GART: variants seen among roughly 807,000 people sequenced by gnomAD.
The protein encoded by GART is trifunctional purine biosynthetic protein adenosine-3.
Under a neutral mutation model 107.2 loss-of-function variants are expected in GART, and 43 were observed. The observed-to-expected ratio is 0.40, with a 90% CI of 0.31 to 0.52. The LOEUF (loss-of-function observed/expected upper bound fraction) is 0.52, where lower values mean the gene tolerates loss of function less well. Among genes scored for constraint, GART ranks in the 20% least tolerant of loss-of-function variants. The pLI, the probability that GART is intolerant of heterozygous loss-of-function variation, is 0.52. For missense variants in GART, 1,107 were observed against 1,206.5 expected, an observed-to-expected ratio of 0.92 and a Z score of 1.22; for synonymous variants, 434 against 427.0, an observed-to-expected ratio of 1.02 and a Z score of -0.20.
intron 1 of GART, among the ~76,000 whole-genome samples, chr21:33,541,398 T>C (rs2085420544): frequency 6.6e-6 from 1 of 152,216 alleles, no homozygotes; most frequent in Non-Finnish European, 1.5e-5. Flanking sequence ...CAACCCACCT[T>C]GGCCTCCCAA....
chr21:33,517,748 T>C (rs1161974660), intron 14 of GART, 140 bp from the exon 15 acceptor site: 1 of 855,856 alleles, frequency 1.2e-6, no homozygotes, highest in East Asian at 2.6e-5. Context: ...CTCTACCAGC[T>C]GTCTAACAGA....
chr21:33,526,234 G>A (rs889768046), intron 10 of GART, among the ~76,000 whole-genome samples: 3 of 150,966 alleles, frequency 2.0e-5, no homozygotes, highest in East Asian at 2.0e-4. Context: ...GCAGTTGTGC[G>A]ACCTCGGCTC....
chr21:33,539,359 G>T lies in GART; in HGVS notation c.-41-3C>A. 6.3e-7 allele frequency: 1 copy of T among 1,586,484 alleles called. No homozygotes were observed. Among genetic ancestry groups the T allele is most frequent in the Non-Finnish European group, 8.5e-7 (1 of 1,170,260 alleles). ...GAAATTCCAAAGGAAAATGAAACCT[G>T]CAGAAAGAAAACCACAGTTTATATC... On this transcript the variant is annotated splice_region_variant and splice_polypyrimidine_tract_variant and intron_variant, in intron 1 of 21. Transcript: ENST00000381815.
rs796176604 is a variant in GART at position 33,509,673 on chromosome 21, C to G, written c.2452+110G>C. 15 of 1,054,398 alleles carry G rather than the reference C, an allele frequency of 1.4e-5. No individual in the cohort carries two copies. In the African/African-American group the frequency reaches 2.4e-4, roughly 17 times the overall value. The allele number at this position is 1,054,398 out of a possible 1,614,324, so 65.3% of individuals were successfully genotyped here. On this transcript the variant is annotated intron_variant, in intron 18 of 21. Coordinates refer to ENST00000381815, the MANE Select transcript of GART (RefSeq NM_000819.5). ...AAAGACAAAGACAACCCTCATGATTCCCCCCAGTCCCTAGACTCTGCCGAG... is the reference window on the plus strand; with the variant it reads ...AAAGACAAAGACAACCCTCATGATTGCCCCCAGTCCCTAGACTCTGCCGAG...
chr21:33,504,543 A>AG lies in GART; in HGVS notation c.2726-17dup. 2 of 1,553,492 alleles carry AG rather than the reference A, an allele frequency of 1.3e-6. No individual in the cohort carries two copies. The highest frequency in any genetic ancestry group is 8.9e-7 in the Non-Finnish European group (1 of 1,126,892). ...AGCATTTTTCCTAAAAATTAAAAAA[A>AG]GCATAGTGGTCAGAATTTAAAAATC... On this transcript the variant is annotated splice_polypyrimidine_tract_variant and intron_variant, in intron 20 of 21. Transcript: ENST00000381815.
At chr21:33,541,634 T>C (rs981699401) in intron 1 of GART, among the ~76,000 whole-genome samples, 11 of 152,196 alleles carry the variant, frequency 7.2e-5, no homozygotes, top group African/African-American at 1.9e-4. Flanking sequence ...CAGGAAGACC[T>C]TGGGGGACTT....
intron 4 of GART, 123 bp from the exon 5 acceptor site, chr21:33,532,579 T>C (rs1035276604): frequency 1.4e-6 from 1 of 730,806 alleles, no homozygotes; most frequent in African/African-American, 1.8e-5. Flanking sequence ...AAAAAATTAA[T>C]TATCATTCCA....
chr21:33,531,423 T>C (rs2085186320), intron 6 of GART, 66 bp downstream of exon 6: 2 of 1,378,098 alleles, frequency 1.5e-6, no homozygotes, highest in African/African-American at 1.4e-5. Context: ...AAGTCTTTTC[T>C]GGGGTACACA....
chr21:33,540,083 T>G (rs558402952), intron 1 of GART, among the ~76,000 whole-genome samples: 2 of 152,322 alleles, frequency 1.3e-5, no homozygotes, highest in African/African-American at 4.8e-5. Context: ...TACTGAAAAC[T>G]GGGGTAAGCA....
At position 33,528,611 on chromosome 21, in the gene GART, T is replaced by C. The variant is rs758227682; in HGVS notation, c.812-7A>G. ...ATTCCAGCATAGAGAATACCTTCATTAAAAAAGAAAAAAAAAAAAAAGAGA... is the reference window on the plus strand; with the variant it reads ...ATTCCAGCATAGAGAATACCTTCATCAAAAAAGAAAAAAAAAAAAAAGAGA... On this transcript the variant is annotated splice_polypyrimidine_tract_variant and splice_region_variant and intron_variant, in intron 8 of 21. Transcript: ENST00000381815. 1 of 1,191,196 alleles carries C rather than the reference T, an allele frequency of 8.4e-7. No homozygotes were observed. Among genetic ancestry groups the C allele is most frequent in the South Asian group, 1.8e-5 (1 of 54,336 alleles). 73.8% of individuals were successfully genotyped at this position (1,191,196 alleles called of 1,614,324 possible).
At chr21:33,526,355 G>A (rs2085073738) in intron 10 of GART, among the ~76,000 whole-genome samples, 1 of 151,936 alleles carries the variant, frequency 6.6e-6, no homozygotes, top group South Asian at 2.1e-4. Context: ...TGTATTTTTA[G>A]TGGAGACGGG....
intron 4 of GART, among the ~76,000 whole-genome samples, chr21:33,533,448 AAAAT>A (rs1456706121): frequency 4.8e-4 from 72 of 149,960 alleles, no homozygotes; most frequent in Middle Eastern, 3.4e-3. Flanking sequence ...CAAAAAAAAA[AAAAT>A]AAATAAATAA....
chr21:33,534,742 TC>T lies in GART; in HGVS notation c.252del (p.Asn85ThrfsTer2). The T allele has an allele frequency of 6.3e-7, 1 of 1,580,798 alleles. No individual in the cohort carries two copies. The highest frequency in any genetic ancestry group is 8.6e-7 in the Non-Finnish European group (1 of 1,166,926). ...CATTGCACTCCTGCAGACCTCAGGT[TC>T]CCAACAATCCCTATTGATGAAAACA... ...PEAPLAAGIV[G>X]NLRSAGVQCF... On this transcript the variant is annotated frameshift_variant, in exon 4 of 22. Coordinates refer to ENST00000381815, the MANE Select transcript of GART (RefSeq NM_000819.5). LOFTEE classifies it high-confidence loss of function.
chr21:33,542,800 G>A (rs947616710), upstream of GART: 5 of 475,522 alleles, frequency 1.1e-5, no homozygotes, highest in East Asian at 3.8e-5. Context: ...TGCGGACACG[G>A]TCGCCTCAAG....
Position 33,528,519 on chromosome 21 carries a change from T to G in GART, c.897A>C (p.Gln299His). 1 of 1,602,060 alleles carries G rather than the reference T, an allele frequency of 6.2e-7. No individual in the cohort carries two copies. Among genetic ancestry groups the G allele is most frequent in the Middle Eastern group, 1.7e-4 (1 of 6,002 alleles). The change falls in exon 9 of 22, where the codon CAA (glutamine) becomes CAC (histidine). Residue 299 changes from glutamine (Q) to histidine (H), a missense_variant and splice_region_variant. Coordinates refer to ENST00000381815, the MANE Select transcript of GART (RefSeq NM_000819.5). ...GTAATACTTTGATATTTTTACCCACTTGGCACTCTGGATCACCAAAACGGC... is the reference window on the plus strand; with the variant it reads ...GTAATACTTTGATATTTTTACCCACGTGGCACTCTGGATCACCAAAACGGC... ...FNCRFGDPEC[Q>H]VILPLLKSDL...
chr21:33,525,852 A>G (rs565633028), intron 10 of GART, among the ~76,000 whole-genome samples: 1 of 151,930 alleles, frequency 6.6e-6, no homozygotes, highest in South Asian at 2.1e-4. Context: ...TCTTTTCCTT[A>G]AGAGTAAGGG....
At chr21:33,531,851 T>C (rs751432561) in intron 5 of GART, 2 of 352,558 alleles carry the variant, frequency 5.7e-6, no homozygotes, top group Admixed American at 4.3e-5. Context: ...GTTTTCATTA[T>C]CGCCACTTAA....
chr21:33,527,254 C>G (rs2085090550), intron 10 of GART, among the ~76,000 whole-genome samples: 1 of 152,126 alleles, frequency 6.6e-6, no homozygotes, highest in Non-Finnish European at 1.5e-5. Flanking sequence ...CATGGTGGCT[C>G]AGACCTGTAA....
chr21:33,535,615 T>C (rs969893258), intron 2 of GART, among the ~76,000 whole-genome samples: 3 of 152,176 alleles, frequency 2.0e-5, no homozygotes, highest in Non-Finnish European at 2.9e-5. Flanking sequence ...GTCACTAATA[T>C]TGACTGTATA....
Sources: gnomAD v4.1 joint callset for allele counts (sites outside exome capture counted in the v4.1 genomes callset) on GRCh38, gnomAD v4.1.1 for gene constraint, MANE v1.5 for transcripts, NCBI Gene and HGNC (gene_info 2026-07-23, HGNC 2026-07-21) for gene names.